The following GSKIP variants were observed in gnomAD, a reference collection of about 807,000 sequenced individuals.
GSKIP encodes the protein GSK3B interacting protein, also known as GSK3B-interacting protein.
In GSKIP, 5 loss-of-function variants were observed where a neutral mutation model predicts 11.9. The ratio of observed to expected loss-of-function variants is 0.42; its 90% CI spans 0.22 to 0.89. GSKIP has a LOEUF of 0.89. Ranked by LOEUF, GSKIP falls within the 40% of genes least tolerant of loss-of-function variation. The probability of loss-of-function intolerance (pLI) is 0.29; values close to 1 mark genes in which losing one functional copy is unlikely to be tolerated. For synonymous variants in GSKIP, 70 were observed against 62.9 expected (o/e 1.11, Z -0.54); for missense variants, 150 against 166.6 (o/e 0.90, Z 0.55).
intron 1 of GSKIP, among the ~76,000 whole-genome samples, chr14:96,367,254 T>A (rs1034580023): frequency 2.6e-5 from 4 of 152,242 alleles, no homozygotes; most frequent in African/African-American, 9.6e-5. Flanking sequence ...AGGAGGAATG[T>A]GTGACTGAGA....
At chr14:96,380,273 A>C (rs1027957330) in intron 2 of GSKIP, 1 of 152,242 alleles carries the variant, frequency 6.6e-6, no homozygotes, top group Non-Finnish European at 1.5e-5. Context: ...GATTGGAGGA[A>C]TACATTATAC....
In GSKIP at chr14:96,386,745, T is replaced by C. The variant is rs1447519646; in HGVS notation, c.*1061T>C. On this transcript the variant is annotated 3_prime_UTR_variant, in exon 4 of 4. Coordinates refer to ENST00000555181, the MANE Select transcript of GSKIP (RefSeq NM_016472.5). ...GACTTAATATTTGAAAAAGGAATAGTCAGTATTTTATATTTTATTACAGGT... is the reference window on the plus strand; with the variant it reads ...GACTTAATATTTGAAAAAGGAATAGCCAGTATTTTATATTTTATTACAGGT... 1 of 152,770 alleles carries C rather than the reference T, an allele frequency of 6.5e-6. No individual in the cohort carries two copies. Among genetic ancestry groups the C allele is most frequent in the East Asian group, 1.9e-4 (1 of 5,190 alleles). The allele number at this position is 152,770 out of a possible 1,614,324, so 9.5% of individuals were successfully genotyped here.
intron 1 of GSKIP, among the ~76,000 whole-genome samples, chr14:96,375,983 C>T (rs1281199091): frequency 1.3e-5 from 2 of 152,342 alleles, no homozygotes; most frequent in East Asian, 1.9e-4. Flanking sequence ...GTAGAGCACT[C>T]ATGACCCAGT....
At chr14:96,381,477 C>T (rs968073209) in intron 2 of GSKIP, among the ~76,000 whole-genome samples, 4 of 152,050 alleles carry the variant, frequency 2.6e-5, no homozygotes, top group African/African-American at 4.8e-5. Flanking sequence ...AAAATGTAAT[C>T]ATGGTATGGG....
chr14:96,377,469 T>C (rs1424474862), intron 1 of GSKIP, among the ~76,000 whole-genome samples: 1 of 152,264 alleles, frequency 6.6e-6, no homozygotes, highest in Non-Finnish European at 1.5e-5. Context: ...TACAGGCTTC[T>C]AGTCAGGTAC....
At chr14:96,368,129 T>C (rs1196545122) in intron 1 of GSKIP, among the ~76,000 whole-genome samples, 1 of 151,432 alleles carries the variant, frequency 6.6e-6, no homozygotes, top group Non-Finnish European at 1.5e-5. Context: ...TTTCCTAGAG[T>C]CTCATTTACA....
At chr14:96,382,560 CA>C in intron 3 of GSKIP, 55 bp downstream of exon 3, 2 of 1,357,896 alleles carry the variant, frequency 1.5e-6, no homozygotes, top group Non-Finnish European at 2.0e-6. Context: ...ACCACTTTAT[CA>C]AAAAGAGGGG....
intron 1 of GSKIP, among the ~76,000 whole-genome samples, chr14:96,375,948 A>C (rs977037557): frequency 6.6e-6 from 1 of 152,194 alleles, no homozygotes; most frequent in South Asian, 2.1e-4. Context: ...CTATTAATCC[A>C]TAAATGGATT....
In GSKIP at chr14:96,385,656, A is replaced by AC; in HGVS notation, c.392_393insC (p.Glu131AspfsTer26). The AC allele has an allele frequency of 6.2e-7, 1 of 1,613,000 alleles. No individual in the cohort carries two copies. Among genetic ancestry groups the AC allele is most frequent in the East Asian group, 2.2e-5 (1 of 44,846 alleles). ...GGAAACGCACTGCTTCAAAGACTGG[A>AC]AGCTTTGAAAAGAGATGGACAGTCA... is the stretch of plus-strand genomic sequence containing the variant. On this transcript the variant is annotated frameshift_variant, in exon 4 of 4. Coordinates refer to ENST00000555181, the MANE Select transcript of GSKIP (RefSeq NM_016472.5). LOFTEE classifies it high-confidence loss of function.
intron 1 of GSKIP, among the ~76,000 whole-genome samples, chr14:96,377,782 C>G (rs1240722499): frequency 1.3e-5 from 2 of 152,186 alleles, no homozygotes; most frequent in Non-Finnish European, 2.9e-5. Context: ...GAGAGAGCAT[C>G]TGATTAGCTA....
At chr14:96,368,689 T>G (rs1888964795) in intron 1 of GSKIP, among the ~76,000 whole-genome samples, 1 of 152,124 alleles carries the variant, frequency 6.6e-6, no homozygotes, top group Non-Finnish European at 1.5e-5. Flanking sequence ...GCTTTCTCTC[T>G]GTATCTCTCT....
In GSKIP at chr14:96,386,570, G is replaced by A. The variant is rs1477773956; in HGVS notation, c.*886G>A. 6 of 152,532 alleles carry A rather than the reference G, an allele frequency of 3.9e-5. No individual in the cohort carries two copies. Among genetic ancestry groups the A allele is most frequent in the South Asian group, 2.1e-4 (1 of 4,830 alleles). The allele number at this position is 152,532 out of a possible 1,614,324, so 9.4% of individuals were successfully genotyped here. A position where few individuals can be genotyped will look rare whatever the true frequency, so the allele number is the denominator to read the frequency against. On this transcript the variant is annotated 3_prime_UTR_variant, in exon 4 of 4. Coordinates refer to ENST00000555181, the MANE Select transcript of GSKIP (RefSeq NM_016472.5). ...ATTCAGAAAGTATTTTTGCTTCAACGTTTACTTTCTATGATGTAGTGCTTT... is the reference window on the plus strand; with the variant it reads ...ATTCAGAAAGTATTTTTGCTTCAACATTTACTTTCTATGATGTAGTGCTTT...
chr14:96,385,331 T>A (rs1442724294), intron 3 of GSKIP, among the ~76,000 whole-genome samples, 192 bp from the exon 4 acceptor site: 1 of 152,204 alleles, frequency 6.6e-6, no homozygotes, highest in Non-Finnish European at 1.5e-5. Context: ...GTATTAAAGG[T>A]TGTATTTAAA....
intron 1 of GSKIP, among the ~76,000 whole-genome samples, chr14:96,370,354 C>T (rs1198669405): frequency 6.6e-6 from 1 of 152,120 alleles, no homozygotes; most frequent in African/African-American, 2.4e-5. Context: ...GAGAAGGACA[C>T]TAGATTTGAG....
At chr14:96,383,666 C>G (rs1487672329) in intron 3 of GSKIP, among the ~76,000 whole-genome samples, 2 of 152,166 alleles carry the variant, frequency 1.3e-5, no homozygotes, top group Non-Finnish European at 2.9e-5. Context: ...GAAGATGAGT[C>G]GTGTATACTG....
intron 1 of GSKIP, among the ~76,000 whole-genome samples, chr14:96,373,104 C>G (rs754061734): frequency 8.6e-5 from 13 of 151,734 alleles, no homozygotes; most frequent in Non-Finnish European, 1.5e-4. Flanking sequence ...GTGGTGGCCA[C>G]TTGTAATCCC....
At chr14:96,365,773 G>A (rs987452602) in intron 1 of GSKIP, among the ~76,000 whole-genome samples, 2 of 151,940 alleles carry the variant, frequency 1.3e-5, no homozygotes, top group Non-Finnish European at 2.9e-5. Context: ...GGCGGAGGTT[G>A]CAGTGAGCCG....
Position 96,379,172 on chromosome 14 carries a change from G to A in GSKIP, c.-102-516G>A, listed in dbSNP as rs1595350517. On this transcript the variant is annotated intron_variant, in intron 1 of 3. Coordinates refer to ENST00000555181, the MANE Select transcript of GSKIP (RefSeq NM_016472.5). The stretch of plus-strand genomic sequence containing the variant: ...GTCTTGACTAAAAATACAAAAATTA[G>A]CCGGGTCTGTAATCCCAGCTACTCG... 3 of 152,218 alleles carry A rather than the reference G, an allele frequency of 2.0e-5. No homozygotes were observed. In the East Asian group the frequency reaches 5.8e-4, roughly 29 times the overall value. 9.4% of individuals were successfully genotyped at this position (152,218 alleles called of 1,614,324 possible). A position where few individuals can be genotyped will look rare whatever the true frequency, so the allele number is the denominator to read the frequency against.
rs761695872 is a variant in GSKIP at position 96,387,195 on chromosome 14, AATT to A, written c.*1512_*1514del. On this transcript the variant is annotated 3_prime_UTR_variant, in exon 4 of 4. Coordinates refer to ENST00000555181, the MANE Select transcript of GSKIP (RefSeq NM_016472.5). ...AATGATATTTGTAAAGTTTGAATAA[AATT>A]CTGTTTACTCATTTTGAGTTAGTAT... The A allele has an allele frequency of 1.3e-5, 2 of 152,218 alleles. No homozygotes were observed. The highest frequency in any genetic ancestry group is 2.9e-5 in the Non-Finnish European group (2 of 68,034). The allele number at this position is 152,218 out of a possible 1,614,324, so 9.4% of individuals were successfully genotyped here. A position where few individuals can be genotyped will look rare whatever the true frequency, so the allele number is the denominator to read the frequency against.
Sources: gnomAD v4.1 joint callset for allele counts (sites outside exome capture counted in the v4.1 genomes callset) on GRCh38, gnomAD v4.1.1 for gene constraint, MANE v1.5 for transcripts, NCBI Gene and HGNC (gene_info 2026-07-23, HGNC 2026-07-21) for gene names.